The following WDR17 variants were observed in gnomAD, a reference collection of about 807,000 sequenced individuals.
The protein encoded by WDR17 is WD repeat domain 17.
A neutral mutation model predicts 161.7 loss-of-function variants in WDR17; 143 were observed. That is an observed-to-expected ratio of 0.88 (90% CI 0.77 to 1.02). The LOEUF (loss-of-function observed/expected upper bound fraction) is 1.02. Among genes scored for constraint, WDR17 ranks in the 50% least tolerant of loss-of-function variants. WDR17 has a pLI of 0.00. For missense variants in WDR17, 1,469 were observed against 1,520.9 expected, an observed-to-expected ratio of 0.97 and a Z score of 0.57; for synonymous variants, 517 against 515.6, an observed-to-expected ratio of 1.00 and a Z score of -0.04.
chr4:176,172,609 G>T (rs762574519), intron 24 of WDR17, 93 bp downstream of exon 24: 57 of 1,162,700 alleles, frequency 4.9e-5, no homozygotes, highest in Non-Finnish European at 6.6e-5. Context: ...TTTTTGCATT[G>T]CTATAAAGAA....
rs772646254 is a variant in WDR17, at chr4:176,148,357, C to T, written c.1897+22C>T. On this transcript the variant is annotated intron_variant, in intron 13 of 28. Coordinates refer to ENST00000508596, the MANE Select transcript of WDR17 (RefSeq NM_181265.4). ...TATGGTAGAGTGTCTTTCATTCTTTCATGTATTTGTTATATTGACATACTA... is the reference window on the plus strand; with the variant it reads ...TATGGTAGAGTGTCTTTCATTCTTTTATGTATTTGTTATATTGACATACTA... 6 of 1,600,332 alleles carry T rather than the reference C, an allele frequency of 3.7e-6. No homozygotes were observed. The East Asian group carries it at 1.3e-4, about 36-fold the overall frequency.
In WDR17 at chr4:176,158,768, C is replaced by G. The variant is rs527600587; in HGVS notation, c.2526-1226C>G. Among the ~76,000 whole-genome samples, 15 of 152,306 alleles carry G rather than the reference C, an allele frequency of 9.8e-5. No homozygotes were observed. The South Asian group carries it at 3.1e-3, about 32-fold the overall frequency. On this transcript the variant is annotated intron_variant, in intron 18 of 28. Transcript: ENST00000508596. The stretch of plus-strand genomic sequence containing the variant: ...ACTCTTCCAAGTCTATTTCATTTAT[C>G]TTTGAAAGCCAACTCCTGATTTTCT...
intron 17 of WDR17, among the ~76,000 whole-genome samples, chr4:176,155,672 G>T (rs1210533035): frequency 6.9e-6 from 1 of 144,492 alleles, no homozygotes; most frequent in African/African-American, 2.5e-5. Context: ...AGCCTCCCAA[G>T]TAGCTAGAAC....
intron 22 of WDR17, among the ~76,000 whole-genome samples, chr4:176,165,549 A>G (rs1389904667): frequency 6.6e-6 from 1 of 152,218 alleles, no homozygotes; most frequent in East Asian, 1.9e-4. Context: ...GATAACATTA[A>G]CAGTCAATTA....
At chr4:176,168,518 A>G in intron 22 of WDR17, 154 bp from the exon 23 acceptor site, 2 of 768,910 alleles carry the variant, frequency 2.6e-6, no homozygotes, top group Non-Finnish European at 4.0e-6. Flanking sequence ...CTGCATTTAC[A>G]GTAGTTTCAT....
chr4:176,173,502 TTTTG>T lies in WDR17; in HGVS notation c.3347+140_3347+143del, dbSNP rs1579267046. 7.1e-6 allele frequency: 4 copies of T among 562,308 alleles called. No individual in the cohort carries two copies. In the South Asian group the frequency reaches 1.2e-4, roughly 17 times the overall value. 34.8% of individuals were successfully genotyped at this position (562,308 alleles called of 1,614,324 possible). A position where few individuals can be genotyped will look rare whatever the true frequency, so the allele number is the denominator to read the frequency against. On this transcript the variant is annotated intron_variant, in intron 25 of 28. Transcript: ENST00000508596. ...AGCTACACTTGTAGAAATATTATATTTTTGTTTGTTATATATTTTTTTTCTTTGT... is the reference window on the plus strand; with the variant it reads ...AGCTACACTTGTAGAAATATTATATTTTTGTTATATATTTTTTTTCTTTGT...
At chr4:176,149,064 C>T (rs1372804131) in intron 13 of WDR17, among the ~76,000 whole-genome samples, 3 of 152,038 alleles carry the variant, frequency 2.0e-5, no homozygotes, top group Non-Finnish European at 2.9e-5. Context: ...TGTTGATATT[C>T]GAATTGAAAG....
In WDR17 at chr4:176,091,875, C is replaced by T. The variant is rs151323604; in HGVS notation, c.-6-19700C>T. Among the ~76,000 whole-genome samples the T allele has an allele frequency of 9.9e-5, 15 of 152,070 alleles. No individual in the cohort carries two copies. In the East Asian group the frequency reaches 1.3e-3, roughly 14 times the overall value. Reference sequence around the variant, plus strand: ...ATAAATTAGAAAACCTAAAAGGACACGCAACCTACAAAGACTGAACCATGA... The same window carrying T: ...ATAAATTAGAAAACCTAAAAGGACATGCAACCTACAAAGACTGAACCATGA... On this transcript the variant is annotated intron_variant, in intron 1 of 28. Transcript: ENST00000508596.
intron 18 of WDR17, among the ~76,000 whole-genome samples, chr4:176,159,281 A>ACGCG (rs1748654650): frequency 6.7e-6 from 1 of 150,216 alleles, no homozygotes; most frequent in South Asian, 2.1e-4. Context: ...ACATGCACAC[A>ACGCG]CACACACACA....
At chr4:176,120,750 G>T (rs1167418916) in intron 4 of WDR17, among the ~76,000 whole-genome samples, 1 of 151,450 alleles carries the variant, frequency 6.6e-6, no homozygotes, top group Admixed American at 6.6e-5. Context: ...TAGTATCTCT[G>T]TTGATGTATG....
In WDR17 at chr4:176,151,877, TAAAGA is replaced by T. The variant is rs775703360; in HGVS notation, c.2371_2375del (p.Lys791GlyfsTer8). On this transcript the variant is annotated frameshift_variant, in exon 17 of 29. Transcript: ENST00000508596. LOFTEE classifies it high-confidence loss of function. ...TTGGTGGTGGTATTGGTGTACCTGCTAAAGAGGAAAGACTGAAGGAAGCTGCTGAA... is the reference window on the plus strand; with the variant it reads ...TTGGTGGTGGTATTGGTGTACCTGCTGGAAAGACTGAAGGAAGCTGCTGAA... 3.7e-6 allele frequency: 6 copies of T among 1,613,272 alleles called. No homozygotes were observed. The highest frequency in any genetic ancestry group is 4.2e-6 in the Non-Finnish European group (5 of 1,179,690).
rs553173859 is a variant in WDR17 at position 176,082,743 on chromosome 4, T to C, written c.-7+16664T>C. ...AATATAGTGTCTAAGATACTTTCCATTTTAAAAATTATTTTCTCCAATGTT... is the reference window on the plus strand; with the variant it reads ...AATATAGTGTCTAAGATACTTTCCACTTTAAAAATTATTTTCTCCAATGTT... On this transcript the variant is annotated intron_variant, in intron 1 of 28. Coordinates refer to ENST00000508596, the MANE Select transcript of WDR17 (RefSeq NM_181265.4). 2.0e-4 allele frequency among the ~76,000 whole-genome samples: 30 copies of C among 152,302 alleles called. No homozygotes were observed. The South Asian group carries it at 6.2e-3, about 32-fold the overall frequency.
intron 1 of WDR17, chr4:176,096,667 T>C (rs1170642426): frequency 8.8e-7 from 1 of 1,138,126 alleles, no homozygotes; most frequent in Non-Finnish European, 1.2e-6. Context: ...ATCTGTGTCA[T>C]TTATATCGTG....
chr4:176,155,550 T>G (rs1436301384), intron 17 of WDR17, among the ~76,000 whole-genome samples: 2 of 141,738 alleles, frequency 1.4e-5, no homozygotes, highest in South Asian at 4.5e-4. Flanking sequence ...TTTGTGTTTT[T>G]TTTTTTTTTT....
intron 1 of WDR17, among the ~76,000 whole-genome samples, chr4:176,092,544 A>G (rs1223449001): frequency 6.6e-6 from 1 of 152,210 alleles, no homozygotes; most frequent in Non-Finnish European, 1.5e-5. Context: ...GAGCAATCAG[A>G]CAGGAGAAAG....
chr4:176,123,535 G>A (rs1440348182), intron 4 of WDR17, among the ~76,000 whole-genome samples: 1 of 152,096 alleles, frequency 6.6e-6, no homozygotes, highest in African/African-American at 2.4e-5. Context: ...CCTTGCATTT[G>A]ATTAGTTTGC....
intron 1 of WDR17, among the ~76,000 whole-genome samples, chr4:176,097,123 C>G (rs1737007089): frequency 1.3e-5 from 2 of 151,842 alleles, no homozygotes; most frequent in Admixed American, 1.3e-4. Context: ...AAATAGTATT[C>G]TAACCTATTA....
chr4:176,171,590 A>G (rs1750743871), intron 23 of WDR17, among the ~76,000 whole-genome samples: 1 of 152,228 alleles, frequency 6.6e-6, no homozygotes. Flanking sequence ...TAATAAATAA[A>G]TTGAAACAAA....
At chr4:176,078,058 A>G (rs1434672280) in intron 1 of WDR17, among the ~76,000 whole-genome samples, 2 of 152,012 alleles carry the variant, frequency 1.3e-5, no homozygotes, top group African/African-American at 4.8e-5. Context: ...TGTCTATATT[A>G]TTCTACTCAG....
Sources: allele counts gnomAD v4.1 joint callset (sites outside exome capture counted in the v4.1 genomes callset), GRCh38; gene constraint gnomAD v4.1.1; transcripts MANE v1.5; gene names NCBI Gene and HGNC (gene_info 2026-07-23, HGNC 2026-07-21).